Variants in KIR3DL2 observed in about 807,000 individuals in gnomAD.
KIR3DL2 encodes killer cell immunoglobulin like receptor, three Ig domains and long cytoplasmic tail 2, also known as killer cell immunoglobulin-like receptor 3DL2.
In KIR3DL2, 42 loss-of-function variants were observed where a neutral mutation model predicts 41.6. The observed-to-expected ratio is 1.01, with a 90% CI of 0.79 to 1.31. The LOEUF is 1.31. Ranked by LOEUF, KIR3DL2 falls within the 50% of genes most tolerant of loss-of-function variation. KIR3DL2 has a pLI of 0.00. For missense variants in KIR3DL2, 728 were observed against 576.8 expected (o/e 1.26, Z -2.68); for synonymous variants, 230 against 221.3 (o/e 1.04, Z -0.35).
At position 54,850,482 on chromosome 19, in the gene KIR3DL2, C is replaced by T. The variant is rs763652053; in HGVS notation, c.7C>T (p.Leu3Phe). MS[L>F]TVVSMACVGF... ...TGTCTGCACCGGCAGCACCATGTCG[C>T]TCACGGTCGTCAGCATGGCGTGCGT... The change falls in exon 1 of 9, where the codon CTC (leucine) becomes TTC (phenylalanine). Residue 3 changes from leucine to phenylalanine, a missense_variant. Physicochemically the swap from Leu to Phe is conservative, Grantham distance 22 (BLOSUM62 0). Transcript: ENST00000326321. 3.5e-5 allele frequency: 57 copies of T among 1,608,916 alleles called. No individual in the cohort carries two copies. Among genetic ancestry groups the T allele is most frequent in the Non-Finnish European group, 4.6e-5 (54 of 1,179,932 alleles).
At chr19:54,856,038 G>C (rs565216956) in intron 5 of KIR3DL2, 126 bp downstream of exon 5, 8 of 1,227,716 alleles carry the variant, frequency 6.5e-6, no homozygotes, top group Non-Finnish European at 9.2e-6. Context: ...TGTGAGGGGG[G>C]GGTCAGGGTG....
At chr19:54,865,408 G>C (rs1417543281) in intron 6 of KIR3DL2, among the ~76,000 whole-genome samples, 1 of 152,022 alleles carries the variant, frequency 6.6e-6, no homozygotes, top group Admixed American at 6.5e-5. Context: ...GAGCTTCCAA[G>C]CTCTTTTTAA....
rs1419425948 is a variant in KIR3DL2 at position 54,866,382 on chromosome 19, T to C, written c.1118T>C (p.Met373Thr). Residue 373 changes from methionine (M) to threonine (T), a missense_variant, in exon 8 of 9, where the codon ATG (methionine) becomes ACG (threonine). Met to Thr is a moderately conservative substitution (Grantham distance 81). Coordinates refer to ENST00000326321, the MANE Select transcript of KIR3DL2 (RefSeq NM_006737.4). ...WCSNKKNAAV[M>T]DQEPAGDRTV... is the part of the protein sequence containing the mutation. ...CCGTCTCCTACAGATGCTGCTGTAA[T>C]GGACCAAGAGCCTGCGGGGGACAGA... 6.2e-7 allele frequency: 1 copy of C among 1,613,956 alleles called. No individual in the cohort carries two copies. Among genetic ancestry groups the C allele is most frequent in the African/African-American group, 1.3e-5 (1 of 75,010 alleles).
chr19:54,856,215 C>A (rs1434995517), intron 5 of KIR3DL2, among the ~76,000 whole-genome samples: 3 of 150,568 alleles, frequency 2.0e-5, no homozygotes, highest in Admixed American at 6.6e-5. Context: ...AGCCCCTCAA[C>A]CTTACCCATT....
chr19:54,863,773 T>G (rs1489449577), intron 6 of KIR3DL2, among the ~76,000 whole-genome samples: 1 of 152,020 alleles, frequency 6.6e-6, no homozygotes, highest in East Asian at 1.9e-4. Flanking sequence ...GTCAGATGAG[T>G]AGGTTGCGAA....
chr19:54,852,381 C>A, intron 3 of KIR3DL2, 99 bp downstream of exon 3: 1 of 1,499,948 alleles, frequency 6.7e-7, no homozygotes, highest in Non-Finnish European at 9.0e-7. Flanking sequence ...CAGGCCCCAA[C>A]TGTATTTGGG....
In KIR3DL2 at chr19:54,853,906, A is replaced by G. The variant is rs2064511737; in HGVS notation, c.515A>G (p.His172Arg). 1 of 1,613,234 alleles carries G rather than the reference A, an allele frequency of 6.2e-7. No homozygotes were observed. Among genetic ancestry groups the G allele is most frequent in the East Asian group, 2.2e-5 (1 of 44,898 alleles). The change falls in exon 4 of 9, where the codon CAT becomes CGT. Residue 172 changes from histidine to arginine, a missense_variant. Coordinates refer to ENST00000326321, the MANE Select transcript of KIR3DL2 (RefSeq NM_006737.4). Reference sequence around the variant, plus strand: ...CCCTCACGCCTCGTTGGACAGATCCATGATGGGGTCTCCAAGGCCAACTTC... The same window carrying G: ...CCCTCACGCCTCGTTGGACAGATCCGTGATGGGGTCTCCAAGGCCAACTTC... ...EDPSRLVGQIHDGVSKANFSI... is the reference protein window; with the variant it reads ...EDPSRLVGQIRDGVSKANFSI...
chr19:54,859,047 T>G (rs2064993025), intron 5 of KIR3DL2, 32 bp from the exon 6 acceptor site: 10 of 1,611,224 alleles, frequency 6.2e-6, no homozygotes, highest in Non-Finnish European at 8.5e-6. Context: ...AGCACCCTCA[T>G]TTCCTCACAT....
At chr19:54,866,063 T>G (rs2065491013) in intron 7 of KIR3DL2, among the ~76,000 whole-genome samples, 154 bp downstream of exon 7, 1 of 152,080 alleles carries the variant, frequency 6.6e-6, no homozygotes, top group East Asian at 1.9e-4. Context: ...CCAGACAACC[T>G]GCCCCTGCCT....
intron 5 of KIR3DL2, among the ~76,000 whole-genome samples, chr19:54,858,452 G>C (rs1399184099): frequency 6.7e-6 from 1 of 148,272 alleles, no homozygotes; most frequent in Admixed American, 6.8e-5. Context: ...AAATGGGCTG[G>C]GTATGGTGGC....
Position 54,855,726 on chromosome 19 carries a change from C to A in KIR3DL2, c.763C>A (p.Leu255Met), listed in dbSNP as rs2064701413. 6.2e-7 allele frequency: 1 copy of A among 1,613,598 alleles called. No homozygotes were observed. Among genetic ancestry groups the A allele is most frequent in the Non-Finnish European group, 8.5e-7 (1 of 1,179,962 alleles). Residue 255 changes from leucine to methionine, a missense_variant, in exon 5 of 9, where the codon CTG becomes ATG. Transcript: ENST00000326321. Reference protein sequence around the residue: ...SSWSSYDIYHLSREGEAHERR... With the variant: ...SSWSSYDIYHMSREGEAHERR... Reference sequence around the variant, plus strand: ...CTGGAGCTCCTATGACATCTACCATCTGTCCAGGGAAGGGGAGGCCCATGA... The same window carrying A: ...CTGGAGCTCCTATGACATCTACCATATGTCCAGGGAAGGGGAGGCCCATGA...
chr19:54,865,781 T>C (rs1283644313), intron 6 of KIR3DL2, 24 bp from the exon 7 acceptor site: 1 of 1,572,278 alleles, frequency 6.4e-7, no homozygotes, highest in African/African-American at 1.3e-5. Context: ...ATTAGCTTCT[T>C]ATTGGATTCC....
rs1244447411 is a variant in KIR3DL2 at position 54,857,871 on chromosome 19, C to T, written c.950-1208C>T. Among the ~76,000 whole-genome samples, 22 of 151,784 alleles carry T rather than the reference C, an allele frequency of 1.4e-4. 2 individuals carry two copies. The highest frequency in any genetic ancestry group is 5.4e-4 in the African/African-American group (22 of 41,102). On this transcript the variant is annotated intron_variant, in intron 5 of 8. Transcript: ENST00000326321. ...GCATTTTAATGGGATGAGATGAAAACTCATCGCGATTGTAATTTACATTTC... is the reference window on the plus strand; with the variant it reads ...GCATTTTAATGGGATGAGATGAAAATTCATCGCGATTGTAATTTACATTTC...
chr19:54,851,548 G>A (rs2064238189), intron 2 of KIR3DL2, among the ~76,000 whole-genome samples: 1 of 151,520 alleles, frequency 6.6e-6, no homozygotes, highest in Admixed American at 6.6e-5. Flanking sequence ...GGTCCTCTGA[G>A]GACAAAGGTA....
chr19:54,855,956 C>T (rs1601766148), intron 5 of KIR3DL2, 44 bp downstream of exon 5: 2 of 1,602,108 alleles, frequency 1.2e-6, no homozygotes, highest in East Asian at 4.5e-5. Flanking sequence ...GATCCTAGAG[C>T]CATAGCTGAG....
rs2064601194 is a variant in KIR3DL2, at chr19:54,854,767, A to G, written c.655+721A>G. ...CACACAAAAAGAAAGAAAAGAGGGC[A>G]GAGGAGTGGAGAGAATGCTGGAAGG... is the stretch of plus-strand genomic sequence containing the variant. On this transcript the variant is annotated intron_variant, in intron 4 of 8. Transcript: ENST00000326321. 1.3e-5 allele frequency among the ~76,000 whole-genome samples: 2 copies of G among 151,032 alleles called. 1 individual carries two copies. Among genetic ancestry groups the G allele is most frequent in the African/African-American group, 4.9e-5 (2 of 41,018 alleles).
chr19:54,861,990 A>G (rs2065210341), intron 6 of KIR3DL2, among the ~76,000 whole-genome samples: 1 of 152,010 alleles, frequency 6.6e-6, no homozygotes, highest in African/African-American at 2.4e-5. Context: ...GTAAACGCTA[A>G]TACTCCTTGG....
intron 5 of KIR3DL2, 94 bp from the exon 6 acceptor site, chr19:54,858,985 A>T: frequency 8.8e-7 from 1 of 1,140,864 alleles, no homozygotes; most frequent in South Asian, 1.3e-5. Context: ...ACATTAGATA[A>T]CAGAGTGTTG....
At position 54,865,792 on chromosome 19, in the gene KIR3DL2, C is replaced by T. The variant is rs2065463181; in HGVS notation, c.1001-13C>T. 1 of 1,598,554 alleles carries T rather than the reference C, an allele frequency of 6.3e-7. No homozygotes were observed. Among genetic ancestry groups the T allele is most frequent in the South Asian group, 1.1e-5 (1 of 90,758 alleles). ...TATGATTAGCTTCTTATTGGATTCC[C>T]ATCTTCCTCCAGGTATCTGCAGACA... On this transcript the variant is annotated splice_polypyrimidine_tract_variant and intron_variant, in intron 6 of 8. Transcript: ENST00000326321.
Sources: allele counts gnomAD v4.1 joint callset (sites outside exome capture counted in the v4.1 genomes callset), GRCh38; gene constraint gnomAD v4.1.1; transcripts MANE v1.5; gene names NCBI Gene and HGNC (gene_info 2026-07-23, HGNC 2026-07-21).